The following NTM variants were observed in gnomAD, a reference collection of about 807,000 sequenced individuals.
NTM encodes the protein neurotrimin.
Under a neutral mutation model 42.1 loss-of-function variants are expected in NTM, and 13 were observed. The observed-to-expected ratio is 0.31, with a 90% CI of 0.20 to 0.49. The LOEUF (loss-of-function observed/expected upper bound fraction) is 0.49. Ranked by LOEUF, NTM falls within the 20% of genes least tolerant of loss-of-function variation. NTM has a pLI of 0.99. For synonymous variants in NTM, 187 were observed against 179.2 expected, an observed-to-expected ratio of 1.04 and a Z score of -0.35; for missense variants, 373 against 452.8, an observed-to-expected ratio of 0.82 and a Z score of 1.60.
chr11:132,034,778 G>C (rs1371577080), intron 2 of NTM, among the ~76,000 whole-genome samples: 1 of 152,320 alleles, frequency 6.6e-6, no homozygotes, highest in East Asian at 1.9e-4. Flanking sequence ...GAGGCTGGAT[G>C]CTTTGCCAAA....
At chr11:131,836,007 C>A (rs920977591) in intron 1 of NTM, among the ~76,000 whole-genome samples, 1 of 152,038 alleles carries the variant, frequency 6.6e-6, no homozygotes, top group African/African-American at 2.4e-5. Context: ...ATGGGCAAAA[C>A]TGATATAGTC....
chr11:132,185,870 G>GT (rs1403003692), intron 3 of NTM, among the ~76,000 whole-genome samples: 1 of 152,088 alleles, frequency 6.6e-6, no homozygotes, highest in Non-Finnish European at 1.5e-5. Context: ...ATTCTTTAAC[G>GT]TTGACCCTGC....
chr11:132,005,149 A>G (rs1280965751), intron 2 of NTM, among the ~76,000 whole-genome samples: 1 of 152,122 alleles, frequency 6.6e-6, no homozygotes, highest in Admixed American at 6.6e-5. Flanking sequence ...AAGGGAGTCT[A>G]AAAAAATATC....
chr11:131,931,907 C>T (rs1046682814), intron 2 of NTM, among the ~76,000 whole-genome samples: 1 of 152,242 alleles, frequency 6.6e-6, no homozygotes, highest in African/African-American at 2.4e-5. Context: ...CCAGCTACAG[C>T]TGACGCATTT....
intron 1 of NTM, among the ~76,000 whole-genome samples, chr11:131,886,131 G>A (rs572999028): frequency 6.6e-6 from 1 of 152,300 alleles, no homozygotes; most frequent in South Asian, 2.1e-4. Context: ...GCACAAGCAA[G>A]GCTCAGTGAA....
At chr11:131,842,877 G>A (rs1346924659) in intron 1 of NTM, among the ~76,000 whole-genome samples, 5 of 152,010 alleles carry the variant, frequency 3.3e-5, no homozygotes, top group Non-Finnish European at 5.9e-5. Flanking sequence ...CGGGCGTGGT[G>A]CCGCATGCCT....
At chr11:131,903,846 A>G (rs1450317888) in intron 1 of NTM, among the ~76,000 whole-genome samples, 1 of 152,134 alleles carries the variant, frequency 6.6e-6, no homozygotes, top group African/African-American at 2.4e-5. Flanking sequence ...CTGTCACCGT[A>G]CTCTGAAATT....
intron 1 of NTM, among the ~76,000 whole-genome samples, chr11:131,628,642 G>T (rs2063354759): frequency 1.3e-5 from 2 of 152,142 alleles, no homozygotes; most frequent in South Asian, 4.2e-4. Flanking sequence ...TAATTATCTT[G>T]CTCTCTAAGA....
intron 1 of NTM, among the ~76,000 whole-genome samples, chr11:131,614,838 T>C (rs1313071202): frequency 6.6e-6 from 1 of 152,226 alleles, no homozygotes; most frequent in Non-Finnish European, 1.5e-5. Flanking sequence ...CAGTTGAAAG[T>C]GAGACACTGG....
intron 2 of NTM, among the ~76,000 whole-genome samples, chr11:132,081,373 T>C (rs1038289507): frequency 6.6e-6 from 1 of 152,244 alleles, no homozygotes; most frequent in African/African-American, 2.4e-5. Context: ...AGTAGTGATG[T>C]ACATTGACAT....
At chr11:131,584,987 G>T (rs538847080) in intron 1 of NTM, among the ~76,000 whole-genome samples, 1 of 151,424 alleles carries the variant, frequency 6.6e-6, no homozygotes, top group Non-Finnish European at 1.5e-5. Flanking sequence ...CTGCTGAGAG[G>T]CCAAGGGGGG....
chr11:131,918,361 C>A (rs149652381), intron 2 of NTM, among the ~76,000 whole-genome samples: 1 of 152,198 alleles, frequency 6.6e-6, no homozygotes, highest in African/African-American at 2.4e-5. Flanking sequence ...CCGTACCACA[C>A]CTTGCGTTCT....
chr11:132,081,948 T>A (rs11222909), intron 2 of NTM, among the ~76,000 whole-genome samples: 12 of 144,202 alleles, frequency 8.3e-5, no homozygotes, highest in East Asian at 2.0e-4. Context: ...ATATATATAT[T>A]TATATATATA....
At chr11:131,577,281 GC>G (rs2058023513) in intron 1 of NTM, among the ~76,000 whole-genome samples, 1 of 152,098 alleles carries the variant, frequency 6.6e-6, no homozygotes, top group Non-Finnish European at 1.5e-5. Context: ...TGAGCAGATA[GC>G]TTGAAAAAAA....
intron 1 of NTM, among the ~76,000 whole-genome samples, chr11:131,834,625 C>T (rs11222811): frequency 5.3e-4 from 71 of 133,884 alleles, no homozygotes; most frequent in South Asian, 1.9e-3. Context: ...TATACATATA[C>T]ATATATATAT....
chr11:132,202,053 G>C (rs2081244455), intron 3 of NTM, among the ~76,000 whole-genome samples: 1 of 152,156 alleles, frequency 6.6e-6, no homozygotes, highest in Admixed American at 6.5e-5. Flanking sequence ...ATTATGTAAT[G>C]AATTAGATTA....
chr11:132,283,418 A>G (rs2094085218), intron 4 of NTM, among the ~76,000 whole-genome samples: 1 of 152,206 alleles, frequency 6.6e-6, no homozygotes, highest in Non-Finnish European at 1.5e-5. Context: ...GATAATTAGC[A>G]CCACCTCTTG....
chr11:131,584,536 A>G (rs1325159408), intron 1 of NTM, among the ~76,000 whole-genome samples: 6 of 152,214 alleles, frequency 3.9e-5, no homozygotes, highest in African/African-American at 1.4e-4. Context: ...GCTGGGTCCC[A>G]TTAGTAGTCA....
rs77765007 is a variant in NTM at position 131,798,185 on chromosome 11, C to T, written c.83-113379C>T. On this transcript the variant is annotated intron_variant, in intron 1 of 8. Transcript: ENST00000683400. ...TAAATTAACTGAAGGTTTGCCGTAG[C>T]GTGGTCCTCATGATCTCCATCTTGT... Among the ~76,000 whole-genome samples the T allele has an allele frequency of 3.0e-3, 453 of 152,276 alleles. 22 individuals are homozygous for T. In the East Asian group the frequency reaches 0.076, roughly 26 times the overall value.
Sources: allele counts gnomAD v4.1 joint callset (sites outside exome capture counted in the v4.1 genomes callset), GRCh38; gene constraint gnomAD v4.1.1; transcripts MANE v1.5; gene names NCBI Gene and HGNC (gene_info 2026-07-23, HGNC 2026-07-21).